FSIP1: variants seen among roughly 807,000 people sequenced by gnomAD.
The protein encoded by FSIP1 is fibrous sheath interacting protein 1.
FSIP1 carries 65 observed loss-of-function variants against 60.9 expected under a neutral mutation model. That is an observed-to-expected ratio of 1.07 (90% confidence interval 0.87 to 1.31). The LOEUF is 1.31. Among genes scored for constraint, FSIP1 ranks in the 40% most tolerant of loss-of-function variants. The probability of loss-of-function intolerance (pLI) is 0.00; values close to 1 mark genes in which losing one functional copy is unlikely to be tolerated. For missense variants in FSIP1, 675 were observed against 665.5 expected (o/e 1.01, Z -0.16); for synonymous variants, 209 against 221.2 (o/e 0.94, Z 0.49).
Position 39,658,251 on chromosome 15 carries a change from A to ATTTTTTTTTTTTTTTTTTTTT in FSIP1, c.1189-40027_1189-40007dup, listed in dbSNP as rs71132110. ...TTATCTTTCAACCTAAGCAGACATGATTTTTTTTTTTTTTTTTTTTTGAGA... is the reference window on the plus strand; with the variant it reads ...TTATCTTTCAACCTAAGCAGACATGATTTTTTTTTTTTTTTTTTTTTTTTTTTTTTTTTTTTTTTTTTGAGA... On this transcript the variant is annotated intron_variant, in intron 10 of 11. Coordinates refer to ENST00000350221, the MANE Select transcript of FSIP1 (RefSeq NM_152597.5). Among the ~76,000 whole-genome samples, 2 of 105,290 alleles carry ATTTTTTTTTTTTTTTTTTTTT rather than the reference A, an allele frequency of 1.9e-5. 1 individual carries two copies. The highest frequency in any genetic ancestry group is 4.2e-5 in the Non-Finnish European group (2 of 47,108). The allele number at this position is 105,290 out of a possible 152,430, so 69.1% of individuals were successfully genotyped here. A position where few individuals can be genotyped will look rare whatever the true frequency, so the allele number is the denominator to read the frequency against.
chr15:39,754,424 C>T (rs1897247743), intron 5 of FSIP1, among the ~76,000 whole-genome samples: 1 of 151,972 alleles, frequency 6.6e-6, no homozygotes, highest in Non-Finnish European at 1.5e-5. Flanking sequence ...TGTTACACAG[C>T]ACTAGATAAC....
chr15:39,751,791 C>T (rs1021404972), intron 5 of FSIP1, among the ~76,000 whole-genome samples: 5 of 151,808 alleles, frequency 3.3e-5, no homozygotes, highest in African/African-American at 1.2e-4. Context: ...AGGATTTTTG[C>T]TAAATGAGAT....
intron 10 of FSIP1, among the ~76,000 whole-genome samples, chr15:39,625,426 T>C (rs1049751363): frequency 6.6e-6 from 1 of 152,016 alleles, no homozygotes; most frequent in Non-Finnish European, 1.5e-5. Flanking sequence ...AGCAGAAAAG[T>C]GTGGAGGTGC....
intron 10 of FSIP1, among the ~76,000 whole-genome samples, chr15:39,648,080 A>G (rs1005262022): frequency 7.2e-5 from 11 of 151,766 alleles, no homozygotes; most frequent in Non-Finnish European, 1.2e-4. Flanking sequence ...ATGACGAGTT[A>G]GTGGGTGCAG....
intron 3 of FSIP1, among the ~76,000 whole-genome samples, chr15:39,768,026 C>T (rs1897752178): frequency 6.6e-6 from 1 of 152,162 alleles, no homozygotes; most frequent in South Asian, 2.1e-4. Flanking sequence ...CTGGAACACT[C>T]CCACTTGGGA....
intron 9 of FSIP1, among the ~76,000 whole-genome samples, chr15:39,717,571 G>T (rs1222863277): frequency 1.3e-5 from 2 of 152,200 alleles, no homozygotes; most frequent in Non-Finnish European, 2.9e-5. Flanking sequence ...AACACAGCAG[G>T]CCAGTATCAG....
At chr15:39,652,353 T>C (rs1892904892) in intron 10 of FSIP1, among the ~76,000 whole-genome samples, 1 of 152,260 alleles carries the variant, frequency 6.6e-6, no homozygotes, top group South Asian at 2.1e-4. Flanking sequence ...AGTGATGTTT[T>C]GATTAAAAGT....
intron 10 of FSIP1, among the ~76,000 whole-genome samples, chr15:39,644,779 T>C (rs1436743114): frequency 6.6e-6 from 1 of 152,184 alleles, no homozygotes; most frequent in African/African-American, 2.4e-5. Context: ...ACCTGTTTTA[T>C]AGCTGGCATC....
At chr15:39,725,553 G>C (rs1189673092) in intron 9 of FSIP1, among the ~76,000 whole-genome samples, 1 of 152,206 alleles carries the variant, frequency 6.6e-6, no homozygotes, top group East Asian at 1.9e-4. Context: ...ATTACCTATA[G>C]GCTACTGATA....
At chr15:39,694,839 T>C (rs906275636) in intron 10 of FSIP1, among the ~76,000 whole-genome samples, 6 of 151,748 alleles carry the variant, frequency 4.0e-5, no homozygotes, top group Non-Finnish European at 8.8e-5. Context: ...AAGATATATA[T>C]ATATAAAGAC....
At chr15:39,626,848 C>T (rs1312421289) in intron 10 of FSIP1, among the ~76,000 whole-genome samples, 1 of 152,276 alleles carries the variant, frequency 6.6e-6, no homozygotes, top group East Asian at 1.9e-4. Context: ...GACAAGGCTT[C>T]AGGTACCAGG....
intron 11 of FSIP1, among the ~76,000 whole-genome samples, chr15:39,616,892 G>A (rs1891249525): frequency 6.6e-6 from 1 of 152,088 alleles, no homozygotes; most frequent in Non-Finnish European, 1.5e-5. Context: ...AGGAAGGGAT[G>A]GGCATGAGAG....
In FSIP1 at chr15:39,617,988, G is replaced by A. The variant is rs1413541155; in HGVS notation, c.1446C>T (p.Tyr482=). The A allele has an allele frequency of 1.2e-6, 2 of 1,614,084 alleles. No homozygotes were observed. The highest frequency in any genetic ancestry group is 4.5e-5 in the East Asian group (2 of 44,890). The stretch of plus-strand genomic sequence containing the variant: ...GTCCAGTCAAGGCTTTAGTGAGATA[G>A]TAGCCTTTAGAAGCTTCACATTCTT... ...ESEECEASKG[Y]YLTKALTGHN... Residue 482 remains tyrosine (Y), a synonymous_variant, in exon 11 of 12, where the codon TAC becomes TAT. Coordinates refer to ENST00000350221, the MANE Select transcript of FSIP1 (RefSeq NM_152597.5).
intron 5 of FSIP1, among the ~76,000 whole-genome samples, chr15:39,747,020 C>T (rs1897018909): frequency 6.8e-6 from 1 of 148,056 alleles, no homozygotes; most frequent in South Asian, 2.2e-4. Context: ...TCCCTCCTTC[C>T]CTCCTTCCCT....
intron 11 of FSIP1, among the ~76,000 whole-genome samples, chr15:39,612,894 C>T (rs1891085636): frequency 6.6e-6 from 1 of 151,796 alleles, no homozygotes; most frequent in South Asian, 2.1e-4. Flanking sequence ...ATATAAACGA[C>T]CAAAAATAAA....
chr15:39,623,779 G>A (rs1195344797), intron 10 of FSIP1, among the ~76,000 whole-genome samples: 5 of 152,158 alleles, frequency 3.3e-5, no homozygotes, highest in Non-Finnish European at 7.3e-5. Context: ...GTCTAGAGCT[G>A]AGAAACCACC....
chr15:39,726,781 A>G (rs1896215457), intron 8 of FSIP1, 34 bp from the exon 9 acceptor site: 1 of 1,598,522 alleles, frequency 6.3e-7, no homozygotes, highest in Non-Finnish European at 8.5e-7. Flanking sequence ...GGTCATTCTC[A>G]GGCTATATTT....
At chr15:39,658,403 C>T (rs1406715077) in intron 10 of FSIP1, among the ~76,000 whole-genome samples, 3 of 151,958 alleles carry the variant, frequency 2.0e-5, no homozygotes, top group Non-Finnish European at 4.4e-5. Context: ...GTGCCTGCCA[C>T]CATGCCAAGC....
At chr15:39,691,383 C>T (rs1195734395) in intron 10 of FSIP1, among the ~76,000 whole-genome samples, 1 of 152,212 alleles carries the variant, frequency 6.6e-6, no homozygotes, top group Non-Finnish European at 1.5e-5. Flanking sequence ...AAGGCTTGGC[C>T]AGTGACTGGA....
Sources: allele counts gnomAD v4.1 joint callset (sites outside exome capture counted in the v4.1 genomes callset), GRCh38; gene constraint gnomAD v4.1.1; transcripts MANE v1.5; gene names NCBI Gene and HGNC (gene_info 2026-07-23, HGNC 2026-07-21).